Variants in PARD3 observed in about 807,000 individuals in gnomAD.
PARD3 encodes the protein par-3 family cell polarity regulator.
In PARD3, 75 loss-of-function variants were observed where a neutral mutation model predicts 155.4. That is an observed-to-expected ratio of 0.48 (90% CI 0.40 to 0.58). PARD3 has a LOEUF of 0.58. PARD3 is among the 20% of genes least tolerant of loss of function. The pLI is 0.00. For missense variants in PARD3, 1,642 were observed against 1,721.7 expected, an observed-to-expected ratio of 0.95 and a Z score of 0.82; for synonymous variants, 576 against 610.5, an observed-to-expected ratio of 0.94 and a Z score of 0.83.
chr10:34,163,237 G>A (rs1949367206), intron 22 of PARD3, among the ~76,000 whole-genome samples: 1 of 152,046 alleles, frequency 6.6e-6, no homozygotes, highest in South Asian at 2.1e-4. Context: ...TGTGTTCCCG[G>A]CCACTCCACA....
Position 34,337,267 on chromosome 10 carries a change from G to T in PARD3, c.2560+8C>A. The T allele has an allele frequency of 6.5e-7, 1 of 1,544,592 alleles. No homozygotes were observed. The highest frequency in any genetic ancestry group is 8.8e-7 in the Non-Finnish European group (1 of 1,142,390). On this transcript the variant is annotated splice_region_variant and intron_variant, in intron 17 of 24. Coordinates refer to ENST00000374788, the MANE Select transcript of PARD3 (RefSeq NM_001184785.2). ...ATTTAGATAAAGATTCATGGAGATT[G>T]TACTCACTACCTAAATCCATGCTTT...
At chr10:34,559,787 T>C (rs2085313759) in intron 2 of PARD3, among the ~76,000 whole-genome samples, 1 of 152,190 alleles carries the variant, frequency 6.6e-6, no homozygotes, top group African/African-American at 2.4e-5. Context: ...CCTTACCTAC[T>C]TGATGAGAAT....
In PARD3 at chr10:34,250,191, AGCTTT is replaced by A. The variant is rs1345784754; in HGVS notation, c.3419+19461_3419+19465del. Among the ~76,000 whole-genome samples the A allele has an allele frequency of 1.5e-3, 234 of 151,360 alleles. 3 individuals carry two copies. The highest frequency in any genetic ancestry group is 2.6e-4 in the Non-Finnish European group (18 of 67,992). On this transcript the variant is annotated intron_variant, in intron 22 of 24. Coordinates refer to ENST00000374788, the MANE Select transcript of PARD3 (RefSeq NM_001184785.2). ...CAGCTTTCCACAGCCTAGAACTCTT[AGCTTT>A]AAGTACAGTTAAAAAAAGAAAAAAA...
intron 22 of PARD3, among the ~76,000 whole-genome samples, chr10:34,197,094 T>A (rs1950982635): frequency 6.6e-6 from 1 of 152,100 alleles, no homozygotes. Context: ...CAAAACCAAG[T>A]TAAATTAATA....
At position 34,815,022 on chromosome 10, in the gene PARD3, GC is replaced by G; in HGVS notation, c.-28del. 2 of 1,392,426 alleles carry G rather than the reference GC, an allele frequency of 1.4e-6. No homozygotes were observed. The highest frequency in any genetic ancestry group is 3.1e-5 in the South Asian group (2 of 65,394). The allele number at this position is 1,392,426 out of a possible 1,614,324, so 86.3% of individuals were successfully genotyped here. On this transcript the variant is annotated 5_prime_UTR_variant, in exon 1 of 25. Transcript: ENST00000374788. The stretch of plus-strand genomic sequence containing the variant: ...CCGCCGCCGCCGCGGGCGGGCCCGC[GC>G]CCCTCGCCGAGCGCAGCCGGAGCAG...
intron 23 of PARD3, among the ~76,000 whole-genome samples, chr10:34,122,456 T>C (rs1376949413): frequency 2.0e-5 from 3 of 152,206 alleles, no homozygotes; most frequent in Admixed American, 6.5e-5. Flanking sequence ...AATGATGACA[T>C]TATCAGCATA....
At chr10:34,814,848 C>T in intron 1 of PARD3, 28 bp downstream of exon 1, 1 of 1,410,114 alleles carries the variant, frequency 7.1e-7, no homozygotes, top group Non-Finnish European at 9.6e-7. Flanking sequence ...CCGCCGCCCC[C>T]TCCCCGCCCG....
rs1564407243 is a variant in PARD3, at chr10:34,119,598, C to CA, written c.3668+14dup. On this transcript the variant is annotated intron_variant, in intron 24 of 24. Transcript: ENST00000374788. ...GGCCGGGGGGATCTGGAGGCTCGGC[C>CA]AAGCGTCCTCATACCGAGGCAGAGA... is the stretch of plus-strand genomic sequence containing the variant. 6.3e-7 allele frequency: 1 copy of CA among 1,585,240 alleles called. No individual in the cohort carries two copies. Among genetic ancestry groups the CA allele is most frequent in the South Asian group, 1.1e-5 (1 of 89,356 alleles).
chr10:34,244,216 T>C (rs1313865012), intron 22 of PARD3, among the ~76,000 whole-genome samples: 2 of 152,236 alleles, frequency 1.3e-5, no homozygotes, highest in Non-Finnish European at 1.5e-5. Flanking sequence ...GAATTACCAG[T>C]AGTTTCGCTT....
At position 34,631,298 on chromosome 10, in the gene PARD3, C is replaced by T. The variant is rs186117449; in HGVS notation, c.222+65020G>A. Among the ~76,000 whole-genome samples the T allele has an allele frequency of 2.4e-4, 37 of 152,234 alleles. No individual in the cohort carries two copies. The East Asian group carries it at 6.2e-3, about 25-fold the overall frequency. ...TGTGGTACAAAAACACAATCACATA[C>T]GGCCCGAAAAGGTCCGTGACGTCAA... On this transcript the variant is annotated intron_variant, in intron 2 of 24. Transcript: ENST00000374788.
At chr10:34,466,204 A>T (rs2077996208) in intron 4 of PARD3, among the ~76,000 whole-genome samples, 1 of 152,148 alleles carries the variant, frequency 6.6e-6, no homozygotes, top group Non-Finnish European at 1.5e-5. Context: ...TCTCACTTCC[A>T]AATGAAAACA....
intron 3 of PARD3, among the ~76,000 whole-genome samples, chr10:34,501,412 A>G (rs1211138147): frequency 6.6e-6 from 1 of 152,084 alleles, no homozygotes; most frequent in Non-Finnish European, 1.5e-5. Flanking sequence ...GCTTCCCTAG[A>G]TGCCAAGCAG....
intron 1 of PARD3, among the ~76,000 whole-genome samples, chr10:34,766,956 G>A (rs938931026): frequency 6.6e-6 from 1 of 152,146 alleles, no homozygotes; most frequent in Non-Finnish European, 1.5e-5. Flanking sequence ...TAGACTCAGC[G>A]AGAAAGGAGG....
chr10:34,675,951 G>C lies in PARD3; in HGVS notation c.222+20367C>G, dbSNP rs2093697048. On this transcript the variant is annotated intron_variant, in intron 2 of 24. Transcript: ENST00000374788. ...GCGGCTCCGCGAATCTCATGTGCTG[G>C]GCCATCATGGACGAGAGTGGTCTTC... 4 of 160,510 alleles carry C rather than the reference G, an allele frequency of 2.5e-5. No individual in the cohort carries two copies. In the South Asian group the frequency reaches 6.3e-4, roughly 25 times the overall value. 9.9% of individuals were successfully genotyped at this position (160,510 alleles called of 1,614,324 possible). A position where few individuals can be genotyped will look rare whatever the true frequency, so the allele number is the denominator to read the frequency against.
intron 2 of PARD3, among the ~76,000 whole-genome samples, chr10:34,682,217 T>C (rs2093856424): frequency 6.6e-6 from 1 of 151,598 alleles, no homozygotes; most frequent in South Asian, 2.1e-4. Context: ...GACAATCTTT[T>C]GTAAGAAATT....
rs557786174 is a variant in PARD3, at chr10:34,235,020, T to A, written c.3419+34637A>T. Among the ~76,000 whole-genome samples the A allele has an allele frequency of 2.0e-5, 3 of 152,362 alleles. No homozygotes were observed. The South Asian group carries it at 6.2e-4, about 32-fold the overall frequency. ...ACCAAGTTTTGTGCTATTTGTAAAT[T>A]TTCCTTATCTATTTGCCAAAGCAAT... On this transcript the variant is annotated intron_variant, in intron 22 of 24. Transcript: ENST00000374788.
chr10:34,147,551 T>C (rs1948574936), intron 22 of PARD3, among the ~76,000 whole-genome samples: 1 of 151,872 alleles, frequency 6.6e-6, no homozygotes, highest in Non-Finnish European at 1.5e-5. Flanking sequence ...TATAAGTTTA[T>C]ATATATAGTA....
chr10:34,121,986 C>T (rs1422562448), intron 23 of PARD3, among the ~76,000 whole-genome samples: 1 of 152,216 alleles, frequency 6.6e-6, no homozygotes, highest in East Asian at 1.9e-4. Flanking sequence ...TCTTCCATTA[C>T]ACTTGATGAG....
intron 4 of PARD3, among the ~76,000 whole-genome samples, chr10:34,451,776 T>TTTG (rs1554861684): frequency 1.3e-5 from 2 of 150,860 alleles, no homozygotes; most frequent in African/African-American, 4.9e-5. Flanking sequence ...GCAGCAAGTT[T>TTTG]TTTTTTTTTT....
Sources: allele counts gnomAD v4.1 joint callset (sites outside exome capture counted in the v4.1 genomes callset), GRCh38; gene constraint gnomAD v4.1.1; transcripts MANE v1.5; gene names NCBI Gene and HGNC (gene_info 2026-07-23, HGNC 2026-07-21).